Variants in KHDRBS2 observed in about 807,000 individuals in gnomAD.
The protein encoded by KHDRBS2 is KH domain-containing, RNA-binding, signal transduction-associated protein 2.
A neutral mutation model predicts 44.3 loss-of-function variants in KHDRBS2; 26 were observed. The observed-to-expected ratio is 0.59, with a 90% CI of 0.43 to 0.81. KHDRBS2 has a LOEUF of 0.81. Ranked by LOEUF, KHDRBS2 falls within the 40% of genes least tolerant of loss-of-function variation. KHDRBS2 has a pLI of 0.00. For missense variants in KHDRBS2, 476 were observed against 433.1 expected (o/e 1.10, Z -0.88); for synonymous variants, 194 against 151.1 (o/e 1.28, Z -2.08).
intron 6 of KHDRBS2, among the ~76,000 whole-genome samples, chr6:61,823,756 C>T (rs1224023113): frequency 2.0e-5 from 3 of 151,902 alleles, no homozygotes; most frequent in South Asian, 2.1e-4. Context: ...TGACCTTGTA[C>T]CTGAAGTAAA....
the KHDRBS2 span, among the ~76,000 whole-genome samples, chr6:61,558,649 G>C: frequency 6.6e-6 from 1 of 152,092 alleles, no homozygotes; most frequent in Non-Finnish European, 1.5e-5. Context: ...AATTTTTCAA[G>C]TTTCTCCTTA....
At chr6:61,660,728 A>T in the KHDRBS2 span, among the ~76,000 whole-genome samples, 3 of 151,754 alleles carry the variant, frequency 2.0e-5, no homozygotes. Flanking sequence ...TTCTACAAAG[A>T]TTTATTGGAA....
At chr6:61,790,351 G>A (rs1481027120) in intron 6 of KHDRBS2, among the ~76,000 whole-genome samples, 3 of 149,804 alleles carry the variant, frequency 2.0e-5, no homozygotes, top group Admixed American at 6.7e-5. Flanking sequence ...GCAATTTAAA[G>A]CAGAAATTGC....
the KHDRBS2 span, among the ~76,000 whole-genome samples, chr6:61,673,350 T>G: frequency 6.6e-6 from 1 of 151,900 alleles, no homozygotes; most frequent in Non-Finnish European, 1.5e-5. Flanking sequence ...AGCATTCCCT[T>G]TGAAAACTGG....
At chr6:61,901,584 A>G (rs1217394826) in intron 4 of KHDRBS2, among the ~76,000 whole-genome samples, 1 of 152,232 alleles carries the variant, frequency 6.6e-6, no homozygotes, top group African/African-American at 2.4e-5. Context: ...TGCTTCTTTT[A>G]TCAAGAAAGT....
chr6:61,669,106 T>C, the KHDRBS2 span, among the ~76,000 whole-genome samples: 11 of 150,984 alleles, frequency 7.3e-5, no homozygotes, highest in South Asian at 2.1e-4. Flanking sequence ...TAGGCAAATA[T>C]AGACAGGCAT....
the KHDRBS2 span, among the ~76,000 whole-genome samples, chr6:61,600,731 G>T: frequency 1.3e-5 from 2 of 152,018 alleles, no homozygotes. Flanking sequence ...TACGACTTCT[G>T]GTCCTTAGAC....
At chr6:62,284,203 G>A (rs1006301128) in intron 1 of KHDRBS2, among the ~76,000 whole-genome samples, 4 of 152,070 alleles carry the variant, frequency 2.6e-5, no homozygotes, top group Non-Finnish European at 1.5e-5. Flanking sequence ...TAGCTTGGCC[G>A]TCTTCAAGTA....
chr6:62,091,506 C>A (rs1329414013), intron 2 of KHDRBS2, among the ~76,000 whole-genome samples: 1 of 152,072 alleles, frequency 6.6e-6, no homozygotes, highest in Non-Finnish European at 1.5e-5. Context: ...TAGTTGTTGA[C>A]AAGTTTCATT....
intron 6 of KHDRBS2, among the ~76,000 whole-genome samples, chr6:61,767,278 C>A (rs952005665): frequency 3.3e-5 from 5 of 151,768 alleles, no homozygotes; most frequent in Non-Finnish European, 5.9e-5. Context: ...CTAGCTACTC[C>A]TCCTCTTTTT....
intron 6 of KHDRBS2, among the ~76,000 whole-genome samples, chr6:61,857,619 C>G (rs2127292453): frequency 6.6e-6 from 1 of 151,750 alleles, no homozygotes; most frequent in South Asian, 2.1e-4. Flanking sequence ...AAGAAAAAGC[C>G]ATGTTAGCAA....
chr6:61,570,330 C>G, the KHDRBS2 span, among the ~76,000 whole-genome samples: 3 of 151,806 alleles, frequency 2.0e-5, no homozygotes, highest in Non-Finnish European at 4.4e-5. Flanking sequence ...ATTCAGAGCT[C>G]AAAGACAAGG....
At chr6:61,668,294 C>G in the KHDRBS2 span, among the ~76,000 whole-genome samples, 1 of 150,846 alleles carries the variant, frequency 6.6e-6, no homozygotes, top group African/African-American at 2.4e-5. Context: ...TCTTAAGGTG[C>G]ATAATATGCA....
At chr6:62,114,805 C>G (rs917648940) in intron 2 of KHDRBS2, among the ~76,000 whole-genome samples, 1 of 147,488 alleles carries the variant, frequency 6.8e-6, no homozygotes, top group Non-Finnish European at 1.5e-5. Flanking sequence ...ATTTTATTAT[C>G]CTAATTTAAT....
the KHDRBS2 span, among the ~76,000 whole-genome samples, chr6:61,669,022 T>C: frequency 1.7e-4 from 25 of 150,946 alleles, no homozygotes; most frequent in Non-Finnish European, 3.0e-4. Flanking sequence ...TTATATTGTT[T>C]AGGATATCTC....
At chr6:62,005,524 G>A (rs1445942187) in intron 3 of KHDRBS2, among the ~76,000 whole-genome samples, 2 of 151,572 alleles carry the variant, frequency 1.3e-5, no homozygotes, top group Non-Finnish European at 2.9e-5. Context: ...ATTACAACAA[G>A]CATAACTTTC....
chr6:61,675,836 A>T (rs1041174590), downstream of KHDRBS2, among the ~76,000 whole-genome samples: 1 of 151,788 alleles, frequency 6.6e-6, no homozygotes, highest in African/African-American at 2.4e-5. Context: ...TGAGGTTTCC[A>T]GTTGTTATGG....
At chr6:61,822,050 A>G (rs1789996059) in intron 6 of KHDRBS2, among the ~76,000 whole-genome samples, 1 of 151,956 alleles carries the variant, frequency 6.6e-6, no homozygotes, top group South Asian at 2.1e-4. Flanking sequence ...TACTCTCAGA[A>G]ACAAAATTAC....
intron 2 of KHDRBS2, among the ~76,000 whole-genome samples, chr6:62,104,760 T>C (rs1325195510): frequency 2.0e-5 from 3 of 151,982 alleles, no homozygotes. Flanking sequence ...AAATTAAATA[T>C]TATCACTTTA....
Sources: gnomAD v4.1 joint callset for allele counts (sites outside exome capture counted in the v4.1 genomes callset) on GRCh38, gnomAD v4.1.1 for gene constraint, MANE v1.5 for transcripts, NCBI Gene and HGNC (gene_info 2026-07-23, HGNC 2026-07-21) for gene names.